PTPRT: variants seen among roughly 807,000 people sequenced by gnomAD.
PTPRT encodes the protein receptor-type tyrosine-protein phosphatase T.
In PTPRT, 56 loss-of-function variants were observed where a neutral mutation model predicts 176.8. The observed-to-expected ratio is 0.32, with a 90% confidence interval of 0.26 to 0.40. The LOEUF (loss-of-function observed/expected upper bound fraction) is 0.40. PTPRT is among the 10% of genes least tolerant of loss of function. PTPRT has a pLI of 1.00. For missense variants in PTPRT, 1,540 were observed against 1,908.2 expected (o/e 0.81, Z 3.60); for synonymous variants, 783 against 739.0 (o/e 1.06, Z -0.96).
At position 42,702,552 on chromosome 20, in the gene PTPRT, G is replaced by A. The variant is rs542148703; in HGVS notation, c.860-24393C>T. Among the ~76,000 whole-genome samples, 223 of 152,260 alleles carry A rather than the reference G, an allele frequency of 1.5e-3. 1 individual carries two copies. The highest frequency in any genetic ancestry group is 3.4e-3 in the Middle Eastern group (1 of 294). On this transcript the variant is annotated intron_variant, in intron 6 of 30. Coordinates refer to ENST00000373187, the MANE Select transcript of PTPRT (RefSeq NM_007050.6). Reference sequence around the variant, plus strand: ...GATCCTTTTCCCCCTAGCAAAGGGAGCAAAACTCTTAACAATCTACTTCAG... The same window carrying A: ...GATCCTTTTCCCCCTAGCAAAGGGAACAAAACTCTTAACAATCTACTTCAG...
At chr20:42,995,537 A>G (rs78931597) in intron 1 of PTPRT, among the ~76,000 whole-genome samples, 1,586 of 152,224 alleles carry the variant, frequency 0.01, 11 homozygotes, top group Non-Finnish European at 0.017. Flanking sequence ...CTTGGGCCCA[A>G]TGTGCCATCC....
intron 9 of PTPRT, among the ~76,000 whole-genome samples, chr20:42,407,349 T>A (rs1293248075): frequency 6.6e-6 from 1 of 152,198 alleles, no homozygotes; most frequent in Non-Finnish European, 1.5e-5. Flanking sequence ...TTTTCAGTTA[T>A]AAAAGCCAAT....
intron 7 of PTPRT, among the ~76,000 whole-genome samples, chr20:42,564,831 T>C (rs1464136695): frequency 1.3e-5 from 2 of 152,124 alleles, no homozygotes; most frequent in Admixed American, 6.5e-5. Flanking sequence ...GCACTGGGTG[T>C]TGTAAGTAAC....
At chr20:42,263,449 C>T (rs973369739) in intron 13 of PTPRT, among the ~76,000 whole-genome samples, 2 of 134,634 alleles carry the variant, frequency 1.5e-5, no homozygotes, top group East Asian at 2.3e-4. Context: ...GGCATGATCT[C>T]GGCTCGCTGC....
intron 9 of PTPRT, among the ~76,000 whole-genome samples, chr20:42,419,429 G>A (rs1238655490): frequency 5.9e-5 from 9 of 152,194 alleles, no homozygotes; most frequent in Non-Finnish European, 7.3e-5. Flanking sequence ...AACATGAACA[G>A]ATGGCTTCCT....
At chr20:42,534,676 G>A (rs546743023) in intron 7 of PTPRT, among the ~76,000 whole-genome samples, 2 of 152,126 alleles carry the variant, frequency 1.3e-5, no homozygotes, top group Admixed American at 6.5e-5. Flanking sequence ...GCTACAGACC[G>A]CAGCCAAACA....
chr20:42,521,740 T>C (rs992813011), intron 7 of PTPRT, among the ~76,000 whole-genome samples: 1 of 152,224 alleles, frequency 6.6e-6, no homozygotes, highest in African/African-American at 2.4e-5. Context: ...TCAGTCTTGC[T>C]GTATATAAAG....
intron 1 of PTPRT, among the ~76,000 whole-genome samples, chr20:42,905,604 A>G (rs1355967492): frequency 1.3e-5 from 2 of 152,204 alleles, no homozygotes; most frequent in Non-Finnish European, 2.9e-5. Flanking sequence ...GCTACTATAA[A>G]GACACATGCA....
intron 16 of PTPRT, among the ~76,000 whole-genome samples, chr20:42,169,376 A>G (rs1989974528): frequency 6.6e-6 from 1 of 152,046 alleles, no homozygotes; most frequent in South Asian, 2.1e-4. Flanking sequence ...TCCTTCTTTC[A>G]CAGCACTCAC....
intron 13 of PTPRT, 63 bp from the exon 14 acceptor site, chr20:42,248,885 T>C (rs2056502369): frequency 2.5e-6 from 4 of 1,580,348 alleles, no homozygotes; most frequent in Non-Finnish European, 2.6e-6. Flanking sequence ...TAGACAATCA[T>C]CATAATGACA....
At chr20:43,148,506 C>T (rs2014241792) in intron 1 of PTPRT, among the ~76,000 whole-genome samples, 1 of 152,182 alleles carries the variant, frequency 6.6e-6, no homozygotes, top group Non-Finnish European at 1.5e-5. Context: ...AATGGATGCA[C>T]ACAGCATGTG....
chr20:43,086,369 T>C (rs758236186), intron 1 of PTPRT, among the ~76,000 whole-genome samples: 1 of 152,220 alleles, frequency 6.6e-6, no homozygotes. Flanking sequence ...CCACCCTACA[T>C]CCTTTTAAGA....
At chr20:42,160,786 T>C (rs1213435056) in intron 17 of PTPRT, among the ~76,000 whole-genome samples, 2 of 152,190 alleles carry the variant, frequency 1.3e-5, no homozygotes, top group Admixed American at 6.5e-5. Context: ...GGGAAAGGGA[T>C]GCCCAGTGCA....
chr20:42,385,080 G>A (rs1360211508), intron 9 of PTPRT, among the ~76,000 whole-genome samples: 1 of 152,132 alleles, frequency 6.6e-6, no homozygotes, highest in East Asian at 1.9e-4. Flanking sequence ...GCAAAACCTT[G>A]TAGTTTGATG....
At chr20:42,054,349 T>G in the PTPRT span, among the ~76,000 whole-genome samples, 1 of 152,222 alleles carries the variant, frequency 6.6e-6, no homozygotes, top group Non-Finnish European at 1.5e-5. Context: ...CAACTCATCT[T>G]AAGAATGAAT....
chr20:42,059,338 G>A, the PTPRT span, among the ~76,000 whole-genome samples: 3 of 152,172 alleles, frequency 2.0e-5, no homozygotes, highest in Admixed American at 6.5e-5. Context: ...ATTGGTATGT[G>A]TAAGCATGTC....
chr20:42,823,487 G>A (rs2077937016), intron 2 of PTPRT, among the ~76,000 whole-genome samples: 1 of 151,924 alleles, frequency 6.6e-6, no homozygotes, highest in Non-Finnish European at 1.5e-5. Flanking sequence ...TGCATATTGT[G>A]CACATGTATC....
intron 16 of PTPRT, among the ~76,000 whole-genome samples, chr20:42,163,184 G>C (rs1293790912): frequency 6.6e-6 from 1 of 152,140 alleles, no homozygotes; most frequent in African/African-American, 2.4e-5. Context: ...ACACTGATGG[G>C]GTCGTACCTA....
intron 7 of PTPRT, among the ~76,000 whole-genome samples, chr20:42,668,057 C>A (rs1335555416): frequency 6.6e-6 from 1 of 152,126 alleles, no homozygotes; most frequent in African/African-American, 2.4e-5. Flanking sequence ...CATAGTTAGA[C>A]AGACTTGCTG....
Sources: gnomAD v4.1 joint callset for allele counts (sites outside exome capture counted in the v4.1 genomes callset) on GRCh38, gnomAD v4.1.1 for gene constraint, MANE v1.5 for transcripts, NCBI Gene and HGNC (gene_info 2026-07-23, HGNC 2026-07-21) for gene names.